The following PALLD variants were observed in gnomAD, a reference collection of about 807,000 sequenced individuals.
The protein encoded by PALLD is palladin.
In PALLD, 61 loss-of-function variants were observed where a neutral mutation model predicts 123.5. The observed-to-expected ratio is 0.49, with a 90% CI of 0.40 to 0.61. The LOEUF (loss-of-function observed/expected upper bound fraction) is 0.61, where lower values mean the gene tolerates loss of function less well. Ranked by LOEUF, PALLD falls within the 20% of genes least tolerant of loss-of-function variation. The pLI, the probability that PALLD is intolerant of heterozygous loss-of-function variation, is 0.00. For missense variants in PALLD, 1,273 were observed against 1,377.0 expected (o/e 0.92, Z 1.20); for synonymous variants, 465 against 496.4 (o/e 0.94, Z 0.84).
At position 168,761,046 on chromosome 4, in the gene PALLD, G is replaced by A. The variant is rs72986820; in HGVS notation, c.1964+49123G>A. On this transcript the variant is annotated intron_variant, in intron 10 of 21. Transcript: ENST00000505667. The stretch of plus-strand genomic sequence containing the variant: ...CAGTCGTTCTTGCAACCCAAGGACT[G>A]AGTTGCAAGTCAAAGTGTTTATCAA... 1.7e-3 allele frequency among the ~76,000 whole-genome samples: 253 copies of A among 152,300 alleles called. 1 individual carries two copies. The highest frequency in any genetic ancestry group is 5.6e-3 in the African/African-American group (234 of 41,566).
At position 168,840,781 on chromosome 4, in the gene PALLD, A is replaced by G. The variant is rs141142769; in HGVS notation, c.1965-50141A>G. On this transcript the variant is annotated intron_variant, in intron 10 of 21. Coordinates refer to ENST00000505667, the MANE Select transcript of PALLD (RefSeq NM_001166108.2). ...CAAGTTCCATTCGTTTAAAAATACC[A>G]GGACATTTGCTGCTGTTTAGTAGGG... 1.2e-4 allele frequency among the ~76,000 whole-genome samples: 18 copies of G among 152,332 alleles called. No homozygotes were observed. The East Asian group carries it at 3.1e-3, about 26-fold the overall frequency.
intron 10 of PALLD, among the ~76,000 whole-genome samples, chr4:168,740,269 T>C (rs1429090503): frequency 2.0e-5 from 3 of 152,204 alleles, no homozygotes; most frequent in Non-Finnish European, 2.9e-5. Context: ...AATCCCTGTT[T>C]GGTCACTCTA....
At chr4:168,666,625 G>A (rs1191543991) in intron 2 of PALLD, among the ~76,000 whole-genome samples, 2 of 152,140 alleles carry the variant, frequency 1.3e-5, no homozygotes, top group South Asian at 2.1e-4. Flanking sequence ...CAGAGGATTA[G>A]TATAAGAAAA....
chr4:168,691,149 A>T (rs1782583006), intron 7 of PALLD, 120 bp from the exon 8 acceptor site: 3 of 735,684 alleles, frequency 4.1e-6, no homozygotes, highest in Non-Finnish European at 4.9e-6. Flanking sequence ...GTTTGACTGT[A>T]ACATTTCTTC....
At chr4:168,898,739 T>A in intron 14 of PALLD, 25 bp downstream of exon 14, 1 of 1,465,522 alleles carries the variant, frequency 6.8e-7, no homozygotes, top group Non-Finnish European at 9.6e-7. Context: ...GGAGGCTTTT[T>A]AAGAGTCATT....
chr4:168,842,831 C>T (rs1369549234), intron 10 of PALLD, among the ~76,000 whole-genome samples: 2 of 152,204 alleles, frequency 1.3e-5, no homozygotes, highest in East Asian at 1.9e-4. Context: ...TATGATTCCC[C>T]GGTTTTGGAG....
intron 10 of PALLD, among the ~76,000 whole-genome samples, chr4:168,748,331 G>T (rs943731615): frequency 6.6e-6 from 1 of 152,200 alleles, no homozygotes; most frequent in Non-Finnish European, 1.5e-5. Flanking sequence ...CAATCTGTAT[G>T]TATTTAAACA....
intron 10 of PALLD, among the ~76,000 whole-genome samples, chr4:168,858,551 C>T (rs1748952014): frequency 6.6e-6 from 1 of 152,078 alleles, no homozygotes. Flanking sequence ...GGGAGGCCAA[C>T]TCAGGAGAAT....
intron 8 of PALLD, among the ~76,000 whole-genome samples, chr4:168,696,350 G>C (rs73864609): frequency 1.3e-5 from 2 of 152,030 alleles, no homozygotes; most frequent in African/African-American, 4.8e-5. Context: ...TAAACATCCC[G>C]AGAGAAAAAA....
intron 10 of PALLD, among the ~76,000 whole-genome samples, chr4:168,813,525 G>A (rs147432932): frequency 0.037 from 5,624 of 152,112 alleles, 354 homozygotes; most frequent in African/African-American, 0.13. Flanking sequence ...TGGTGTGATC[G>A]TGGCTCACTG....
chr4:168,915,739 T>C (rs946927549), intron 16 of PALLD, among the ~76,000 whole-genome samples, 156 bp from the exon 17 acceptor site: 1 of 152,206 alleles, frequency 6.6e-6, no homozygotes, highest in Admixed American at 6.5e-5. Flanking sequence ...AACAAGAGTT[T>C]GCTTTTCTGA....
chr4:168,796,399 G>A (rs1165834591), intron 10 of PALLD, among the ~76,000 whole-genome samples: 1 of 152,224 alleles, frequency 6.6e-6, no homozygotes, highest in Non-Finnish European at 1.5e-5. Flanking sequence ...GCTGGCGGGT[G>A]TCTGACATTC....
At chr4:168,501,275 T>C (rs1475888572) in intron 1 of PALLD, among the ~76,000 whole-genome samples, 2 of 152,022 alleles carry the variant, frequency 1.3e-5, no homozygotes, top group East Asian at 3.9e-4. Flanking sequence ...TTAGCAGGAC[T>C]TGGTGACATG....
At chr4:168,806,780 G>T (rs1740264214) in intron 10 of PALLD, among the ~76,000 whole-genome samples, 1 of 152,050 alleles carries the variant, frequency 6.6e-6, no homozygotes, top group Non-Finnish European at 1.5e-5. Flanking sequence ...AGTTACATTT[G>T]CAGAGTACTT....
chr4:168,891,126 A>G, intron 11 of PALLD, 69 bp downstream of exon 11: 1 of 1,464,532 alleles, frequency 6.8e-7, no homozygotes, highest in African/African-American at 1.4e-5. Flanking sequence ...TTTCTCTAAG[A>G]CTTAGGTTCT....
chr4:168,552,822 C>G (rs750079323), intron 2 of PALLD, among the ~76,000 whole-genome samples: 2 of 151,918 alleles, frequency 1.3e-5, no homozygotes, highest in African/African-American at 4.8e-5. Flanking sequence ...ACTACAGGCG[C>G]GTGCCACCAT....
chr4:168,589,054 A>G (rs1216749217), intron 2 of PALLD, among the ~76,000 whole-genome samples: 2 of 152,242 alleles, frequency 1.3e-5, no homozygotes, highest in Non-Finnish European at 2.9e-5. Context: ...AACAGTCCCT[A>G]AAGTCAAGCG....
chr4:168,893,750 G>A (rs1447816668), intron 11 of PALLD, among the ~76,000 whole-genome samples: 1 of 152,124 alleles, frequency 6.6e-6, no homozygotes, highest in Non-Finnish European at 1.5e-5. Context: ...AAAAATGCCG[G>A]CATTTCTTAT....
At chr4:168,777,272 G>A (rs1396518722) in intron 10 of PALLD, among the ~76,000 whole-genome samples, 1 of 152,148 alleles carries the variant, frequency 6.6e-6, no homozygotes, top group African/African-American at 2.4e-5. Flanking sequence ...AGAGGGATAC[G>A]GAGGAGAAGC....
Sources: gnomAD v4.1 joint callset for allele counts (sites outside exome capture counted in the v4.1 genomes callset) on GRCh38, gnomAD v4.1.1 for gene constraint, MANE v1.5 for transcripts, NCBI Gene and HGNC (gene_info 2026-07-23, HGNC 2026-07-21) for gene names.